Variants in GLMN observed in about 807,000 individuals in gnomAD.
The protein encoded by GLMN is glomulin.
A neutral mutation model predicts 87.8 loss-of-function variants in GLMN; 75 were observed. The ratio of observed to expected loss-of-function variants is 0.85; its 90% confidence interval spans 0.71 to 1.04. The LOEUF (loss-of-function observed/expected upper bound fraction) is 1.04, where lower values mean the gene tolerates loss of function less well. GLMN is among the 50% of genes least tolerant of loss of function. GLMN has a pLI of 0.00. For synonymous variants in GLMN, 206 were observed against 221.6 expected, an observed-to-expected ratio of 0.93 and a Z score of 0.63; for missense variants, 588 against 658.8, an observed-to-expected ratio of 0.89 and a Z score of 1.18.
chr1:92,279,269 A>G (rs1647665669), intron 7 of GLMN, among the ~76,000 whole-genome samples: 1 of 152,082 alleles, frequency 6.6e-6, no homozygotes, highest in Non-Finnish European at 1.5e-5. Context: ...CAGCTTGGCC[A>G]ACATGGCGAA....
chr1:92,327,899 T>TTATGAAAG, the GLMN span, among the ~76,000 whole-genome samples: 1 of 152,240 alleles, frequency 6.6e-6, no homozygotes, highest in East Asian at 1.9e-4. Flanking sequence ...AGACTATCTT[T>TTATGAAAG]CCTTCATTTA....
chr1:92,354,427 C>G, the GLMN span, among the ~76,000 whole-genome samples: 1 of 152,188 alleles, frequency 6.6e-6, no homozygotes, highest in African/African-American at 2.4e-5. Flanking sequence ...AGATCTGTCA[C>G]AAACAGGAAT....
At chr1:92,340,626 C>T in the GLMN span, among the ~76,000 whole-genome samples, 1 of 152,148 alleles carries the variant, frequency 6.6e-6, no homozygotes, top group Non-Finnish European at 1.5e-5. Context: ...GGGTTGGGCT[C>T]AGACATTAGT....
At chr1:92,320,566 G>A in the GLMN span, 82 of 1,602,806 alleles carry the variant, frequency 5.1e-5, no homozygotes, top group Middle Eastern at 5.0e-4. Flanking sequence ...CACCGCACCC[G>A]GCCTAATTTT....
At chr1:92,354,490 T>G in the GLMN span, among the ~76,000 whole-genome samples, 1 of 152,224 alleles carries the variant, frequency 6.6e-6, no homozygotes, top group Non-Finnish European at 1.5e-5. Flanking sequence ...CAAACCTATG[T>G]GTAATATATC....
intron 7 of GLMN, among the ~76,000 whole-genome samples, chr1:92,277,558 C>T (rs1374613715): frequency 1.3e-5 from 2 of 152,182 alleles, no homozygotes; most frequent in Non-Finnish European, 2.9e-5. Flanking sequence ...CAGCCCTACC[C>T]CCATCCCACC....
At chr1:92,288,781 C>T in intron 6 of GLMN, 133 bp downstream of exon 6, 1 of 685,222 alleles carries the variant, frequency 1.5e-6, no homozygotes, top group Non-Finnish European at 2.6e-6. Context: ...ATCAACTGAA[C>T]CCCACATTCT....
chr1:92,284,659 A>G (rs1270222162), intron 7 of GLMN, among the ~76,000 whole-genome samples: 1 of 152,246 alleles, frequency 6.6e-6, no homozygotes, highest in Non-Finnish European at 1.5e-5. Flanking sequence ...ACAGCAAAAG[A>G]AAGTATCATC....
intron 7 of GLMN, among the ~76,000 whole-genome samples, chr1:92,285,021 G>C (rs1351618104): frequency 5.3e-5 from 8 of 152,156 alleles, no homozygotes; most frequent in Admixed American, 2.0e-4. Context: ...TGGTGGGAGT[G>C]TAAATTAGTT....
the GLMN span, among the ~76,000 whole-genome samples, chr1:92,353,745 A>T: frequency 6.6e-6 from 1 of 152,176 alleles, no homozygotes; most frequent in Non-Finnish European, 1.5e-5. Flanking sequence ...CAATAATTAG[A>T]TTATTTCTAT....
the GLMN span, among the ~76,000 whole-genome samples, chr1:92,327,558 GGTGA>G: frequency 1.3e-5 from 2 of 152,276 alleles, no homozygotes; most frequent in Middle Eastern, 3.4e-3. Context: ...TTATGTGTCA[GGTGA>G]GTCCCTTGAA....
At chr1:92,268,915 CTT>C (rs10706669) in intron 9 of GLMN, among the ~76,000 whole-genome samples, 251 of 120,464 alleles carry the variant, frequency 2.1e-3, no homozygotes, top group Non-Finnish European at 2.5e-3. Context: ...CTGTAATTTC[CTT>C]TTTTTTTTTT....
chr1:92,346,430 C>T, the GLMN span, among the ~76,000 whole-genome samples: 1 of 152,130 alleles, frequency 6.6e-6, no homozygotes, highest in South Asian at 2.1e-4. Flanking sequence ...TCCCAAACTG[C>T]TAGGATTATA....
chr1:92,359,086 C>T, the GLMN span, among the ~76,000 whole-genome samples: 1 of 152,086 alleles, frequency 6.6e-6, no homozygotes, highest in Admixed American at 6.6e-5. Flanking sequence ...TTCTCAAAGC[C>T]TCTACTAGTA....
At chr1:92,260,766 A>G (rs968013343) in intron 16 of GLMN, among the ~76,000 whole-genome samples, 10 of 7,556 alleles carry the variant, frequency 1.3e-3, no homozygotes, top group Non-Finnish European at 2.1e-3. Flanking sequence ...TTTGAGATGG[A>G]AAAAAAAAAA....
At chr1:92,293,556 A>C (rs1382701172) in intron 3 of GLMN, among the ~76,000 whole-genome samples, 1 of 152,118 alleles carries the variant, frequency 6.6e-6, no homozygotes, top group Non-Finnish European at 1.5e-5. Flanking sequence ...GCAGTTCCTC[A>C]AAAAATACAA....
At chr1:92,277,925 T>C (rs1042536510) in intron 7 of GLMN, among the ~76,000 whole-genome samples, 3 of 148,112 alleles carry the variant, frequency 2.0e-5, no homozygotes, top group African/African-American at 5.3e-5. Flanking sequence ...GCCAGTCAGT[T>C]AGAGCACAGG....
the GLMN span, among the ~76,000 whole-genome samples, chr1:92,305,484 G>C: frequency 7.5e-6 from 1 of 132,818 alleles, no homozygotes; most frequent in East Asian, 2.6e-4. Context: ...TTGGGGTAGA[G>C]AGACTTCATA....
intron 7 of GLMN, among the ~76,000 whole-genome samples, chr1:92,273,631 T>G (rs1268197030): frequency 6.6e-6 from 1 of 151,756 alleles, no homozygotes; most frequent in Non-Finnish European, 1.5e-5. Flanking sequence ...ATTTTTTTTA[T>G]TTTTTATAGA....
Sources: gnomAD v4.1 joint callset for allele counts (sites outside exome capture counted in the v4.1 genomes callset) on GRCh38, gnomAD v4.1.1 for gene constraint, MANE v1.5 for transcripts, NCBI Gene and HGNC (gene_info 2026-07-23, HGNC 2026-07-21) for gene names.